Variants in LGR6 observed in about 807,000 individuals in gnomAD.
LGR6 encodes leucine-rich repeat-containing G protein-coupled receptor 6.
In LGR6, 45 loss-of-function variants were observed where a neutral mutation model predicts 69.4. That is an observed-to-expected ratio of 0.65 (90% CI 0.51 to 0.83). The LOEUF (loss-of-function observed/expected upper bound fraction) is 0.83, where lower values mean the gene tolerates loss of function less well. LGR6 is among the 40% of genes least tolerant of loss of function. The pLI is 0.00. For missense variants in LGR6, 1,108 were observed against 1,246.7 expected, an observed-to-expected ratio of 0.89 and a Z score of 1.68; for synonymous variants, 538 against 555.0, an observed-to-expected ratio of 0.97 and a Z score of 0.43.
chr1:202,216,435 T>A (rs1462718163), intron 1 of LGR6, among the ~76,000 whole-genome samples: 1 of 152,232 alleles, frequency 6.6e-6, no homozygotes, highest in Non-Finnish European at 1.5e-5. Context: ...TGCCCTGCGA[T>A]GATGGATGTG....
chr1:202,213,578 C>G (rs558174033), intron 1 of LGR6, among the ~76,000 whole-genome samples: 22 of 152,272 alleles, frequency 1.4e-4, no homozygotes, highest in Admixed American at 3.3e-4. Flanking sequence ...ACAGCCTCCC[C>G]AGCCTATCTT....
intron 1 of LGR6, among the ~76,000 whole-genome samples, chr1:202,223,899 C>G (rs532110616): frequency 7.4e-4 from 109 of 147,284 alleles, no homozygotes; most frequent in Middle Eastern, 3.4e-3. Flanking sequence ...GACACTTGCC[C>G]ACAGGACCCC....
At chr1:202,263,744 C>T (rs1664420224) in intron 4 of LGR6, among the ~76,000 whole-genome samples, 2 of 152,096 alleles carry the variant, frequency 1.3e-5, no homozygotes, top group Admixed American at 1.3e-4. Context: ...GGAGAAACAT[C>T]TTTCAAAGAG....
intron 6 of LGR6, among the ~76,000 whole-genome samples, chr1:202,291,901 G>A (rs560270293): frequency 6.6e-4 from 101 of 152,298 alleles, no homozygotes; most frequent in Non-Finnish European, 3.8e-4. Context: ...TGCAGAGGAC[G>A]AAAATCCCAG....
chr1:202,294,341 T>A (rs1666995843), intron 6 of LGR6, among the ~76,000 whole-genome samples: 1 of 152,350 alleles, frequency 6.6e-6, no homozygotes, highest in Non-Finnish European at 1.5e-5. Flanking sequence ...AGCTGTCTCA[T>A]TCTATATTGC....
intron 1 of LGR6, among the ~76,000 whole-genome samples, chr1:202,205,409 TCC>T (rs1276912777): frequency 1.7e-5 from 1 of 58,238 alleles, no homozygotes; most frequent in Non-Finnish European, 3.6e-5. Flanking sequence ...CACACACACC[TCC>T]AAACACACAC....
intron 4 of LGR6, among the ~76,000 whole-genome samples, chr1:202,251,986 C>T (rs954392380): frequency 1.3e-5 from 2 of 151,774 alleles, no homozygotes; most frequent in Middle Eastern, 3.2e-3. Context: ...CTTAGTTCTG[C>T]CTTTTGTTGA....
At chr1:202,215,769 G>A (rs1431274906) in intron 1 of LGR6, among the ~76,000 whole-genome samples, 1 of 152,220 alleles carries the variant, frequency 6.6e-6, no homozygotes, top group Non-Finnish European at 1.5e-5. Context: ...TATGTGACAA[G>A]GACAGACAAC....
chr1:202,297,864 G>T (rs1667278731), intron 7 of LGR6, among the ~76,000 whole-genome samples: 1 of 152,216 alleles, frequency 6.6e-6, no homozygotes, highest in Non-Finnish European at 1.5e-5. Flanking sequence ...CCTACTATTA[G>T]CCTGGGCCTG....
intron 6 of LGR6, among the ~76,000 whole-genome samples, chr1:202,291,025 G>A (rs751948138): frequency 6.6e-6 from 1 of 152,160 alleles, no homozygotes; most frequent in Non-Finnish European, 1.5e-5. Flanking sequence ...GAGAAAATTA[G>A]GCATGTGGGT....
At chr1:202,250,981 G>A (rs1350022790) in intron 4 of LGR6, among the ~76,000 whole-genome samples, 1 of 152,166 alleles carries the variant, frequency 6.6e-6, no homozygotes, top group Non-Finnish European at 1.5e-5. Context: ...AAGAAGTTCT[G>A]AGGAAGGATG....
Position 202,286,187 on chromosome 1 carries a change from T to C in LGR6, c.716+5335T>C, listed in dbSNP as rs146676010. On this transcript the variant is annotated intron_variant, in intron 6 of 17. Transcript: ENST00000367278. ...TTCACAGGTACCAGGTTTGGACATATCTTTTGGGGGCTACATATAATTCAA... is the reference window on the plus strand; with the variant it reads ...TTCACAGGTACCAGGTTTGGACATACCTTTTGGGGGCTACATATAATTCAA... 9.2e-5 allele frequency among the ~76,000 whole-genome samples: 14 copies of C among 152,246 alleles called. No homozygotes were observed. In the East Asian group the frequency reaches 2.5e-3, roughly 27 times the overall value.
At chr1:202,307,839 C>G (rs1324041471) in intron 14 of LGR6, among the ~76,000 whole-genome samples, 3 of 152,170 alleles carry the variant, frequency 2.0e-5, no homozygotes, top group African/African-American at 7.2e-5. Flanking sequence ...CAGCAGGGGA[C>G]CTCAGGTCCT....
Position 202,242,303 on chromosome 1 carries a change from A to C in LGR6, c.428+6310A>C, listed in dbSNP as rs1662278547. Among the ~76,000 whole-genome samples, 4 of 152,292 alleles carry C rather than the reference A, an allele frequency of 2.6e-5. No homozygotes were observed. In the South Asian group the frequency reaches 8.3e-4, roughly 32 times the overall value. Reference sequence around the variant, plus strand: ...GACTTTAGTTTAGCTCCAACTCCAAAGTACCAGGTTCTTAACCCCTATCCT... The same window carrying C: ...GACTTTAGTTTAGCTCCAACTCCAACGTACCAGGTTCTTAACCCCTATCCT... On this transcript the variant is annotated intron_variant, in intron 4 of 17. Coordinates refer to ENST00000367278, the MANE Select transcript of LGR6 (RefSeq NM_001017403.2).
intron 14 of LGR6, 92 bp downstream of exon 14, chr1:202,307,493 G>T: frequency 9.7e-7 from 1 of 1,032,666 alleles, no homozygotes. Flanking sequence ...CCCAGAGCAG[G>T]AACATGCATA....
chr1:202,217,983 C>T (rs180977585), intron 1 of LGR6, among the ~76,000 whole-genome samples: 2 of 152,288 alleles, frequency 1.3e-5, no homozygotes, highest in East Asian at 3.9e-4. Flanking sequence ...AAATCTGAGA[C>T]AACTTTGTGT....
chr1:202,233,956 C>T lies in LGR6; in HGVS notation c.357-1966C>T, dbSNP rs537769096. On this transcript the variant is annotated intron_variant, in intron 3 of 17. Coordinates refer to ENST00000367278, the MANE Select transcript of LGR6 (RefSeq NM_001017403.2). ...AACAGAGCTAGGATGTGGATCAGGGCTGTCTGACTTCAGAGTCTGCATCTG... is the reference window on the plus strand; with the variant it reads ...AACAGAGCTAGGATGTGGATCAGGGTTGTCTGACTTCAGAGTCTGCATCTG... 1.6e-4 allele frequency among the ~76,000 whole-genome samples: 24 copies of T among 152,344 alleles called. 1 individual carries two copies. The South Asian group carries it at 4.1e-3, about 26-fold the overall frequency.
Position 202,310,202 on chromosome 1 carries a change from T to TG in LGR6, c.1414dup (p.Glu472GlyfsTer27). 6.2e-7 allele frequency: 1 copy of TG among 1,613,742 alleles called. No homozygotes were observed. Among genetic ancestry groups the TG allele is most frequent in the South Asian group, 1.1e-5 (1 of 91,022 alleles). On this transcript the variant is annotated frameshift_variant, in exon 16 of 18. Transcript: ENST00000367278. LOFTEE classifies it high-confidence loss of function. ...GCCTGCCTCTCCCCCACCAGGATCCTGGAGGTGCCTTATGCCTACCAGTGC... is the reference window on the plus strand; with the variant it reads ...GCCTGCCTCTCCCCCACCAGGATCCTGGGAGGTGCCTTATGCCTACCAGTGC...
At chr1:202,247,363 C>T (rs1333901756) in intron 4 of LGR6, among the ~76,000 whole-genome samples, 2 of 152,204 alleles carry the variant, frequency 1.3e-5, no homozygotes, top group African/African-American at 4.8e-5. Context: ...AATCACTGTT[C>T]TTTTGTTCAG....
Sources: gnomAD v4.1 joint callset for allele counts (sites outside exome capture counted in the v4.1 genomes callset) on GRCh38, gnomAD v4.1.1 for gene constraint, MANE v1.5 for transcripts, NCBI Gene and HGNC (gene_info 2026-07-23, HGNC 2026-07-21) for gene names.